Variants in ROBO1 observed in about 807,000 individuals in gnomAD.
The protein encoded by ROBO1 is roundabout homolog 1.
Under a neutral mutation model 195.9 loss-of-function variants are expected in ROBO1, and 149 were observed. The observed-to-expected ratio is 0.76, with a 90% CI of 0.67 to 0.87. ROBO1 has a LOEUF of 0.87. ROBO1 is among the 40% of genes least tolerant of loss of function. ROBO1 has a pLI of 0.00. For synonymous variants in ROBO1, 816 were observed against 733.2 expected (o/e 1.11, Z -1.82); for missense variants, 1,933 against 2,068.3 (o/e 0.93, Z 1.27).
At chr3:79,502,887 G>A (rs1029332559) in intron 2 of ROBO1, among the ~76,000 whole-genome samples, 1 of 152,086 alleles carries the variant, frequency 6.6e-6, no homozygotes, top group African/African-American at 2.4e-5. Flanking sequence ...CTAGCTCAGG[G>A]ATTGTAAATG....
chr3:79,372,930 G>A (rs1389033662), intron 2 of ROBO1, among the ~76,000 whole-genome samples: 1 of 150,828 alleles, frequency 6.6e-6, no homozygotes, highest in African/African-American at 2.4e-5. Flanking sequence ...TTTTAGTTTC[G>A]GGGGTACATG....
intron 26 of ROBO1, among the ~76,000 whole-genome samples, chr3:78,620,009 C>T (rs1310431266): frequency 7.8e-6 from 1 of 127,474 alleles, no homozygotes; most frequent in Non-Finnish European, 1.6e-5. Flanking sequence ...CAGAGTGAGA[C>T]TCTGTCTCAA....
intron 1 of ROBO1, among the ~76,000 whole-genome samples, chr3:79,625,706 G>A (rs1011250913): frequency 4.6e-5 from 7 of 152,018 alleles, no homozygotes; most frequent in Non-Finnish European, 8.8e-5. Context: ...TGAAGTTAAG[G>A]CAGTAATTAA....
At chr3:79,447,967 T>C (rs1186505876) in intron 2 of ROBO1, among the ~76,000 whole-genome samples, 2 of 152,200 alleles carry the variant, frequency 1.3e-5, no homozygotes, top group African/African-American at 2.4e-5. Context: ...CCTACTATTG[T>C]TGATACTAAC....
Position 79,560,558 on chromosome 3 carries a change from T to TATATATATAC in ROBO1, c.88+29265_88+29266insGTATATATAT, listed in dbSNP as rs5850439. ...AATTATATATATATATATATATATA[T>TATATATATAC]ACACATACACATACATAAAAAAAAA... On this transcript the variant is annotated intron_variant, in intron 2 of 30. Transcript: ENST00000464233. Among the ~76,000 whole-genome samples, 703 of 129,636 alleles carry TATATATATAC rather than the reference T, an allele frequency of 5.4e-3. 9 individuals are homozygous for TATATATATAC. The highest frequency in any genetic ancestry group is 0.02 in the Middle Eastern group (5 of 244). 85.0% of individuals were successfully genotyped at this position (129,636 alleles called of 152,430 possible).
intron 2 of ROBO1, among the ~76,000 whole-genome samples, chr3:79,148,656 C>T (rs1231943635): frequency 1.3e-5 from 2 of 151,694 alleles, no homozygotes; most frequent in Non-Finnish European, 2.9e-5. Context: ...TGTACATGAT[C>T]ATAAAGTAAG....
chr3:79,075,618 G>C (rs1236924447), intron 3 of ROBO1, among the ~76,000 whole-genome samples: 1 of 151,832 alleles, frequency 6.6e-6, no homozygotes, highest in African/African-American at 2.4e-5. Context: ...ACTAGGAGTG[G>C]AGGCGGTGTG....
intron 3 of ROBO1, among the ~76,000 whole-genome samples, chr3:79,069,428 C>T (rs1416211611): frequency 6.6e-6 from 1 of 151,828 alleles, no homozygotes; most frequent in Non-Finnish European, 1.5e-5. Context: ...TCTCTCTGCC[C>T]ATAACACCTA....
chr3:79,225,254 G>A (rs2082206587), intron 2 of ROBO1, among the ~76,000 whole-genome samples: 1 of 152,068 alleles, frequency 6.6e-6, no homozygotes, highest in Non-Finnish European at 1.5e-5. Flanking sequence ...TGTGCCTTGG[G>A]CATAAGATAG....
chr3:79,055,704 C>T (rs961793696), intron 3 of ROBO1, among the ~76,000 whole-genome samples: 3 of 152,040 alleles, frequency 2.0e-5, no homozygotes, highest in Admixed American at 1.3e-4. Flanking sequence ...TTCCTGGACT[C>T]GGTCTCGGTC....
chr3:79,463,596 T>C (rs1559917761), intron 2 of ROBO1, among the ~76,000 whole-genome samples: 1 of 152,160 alleles, frequency 6.6e-6, no homozygotes, highest in Non-Finnish European at 1.5e-5. Flanking sequence ...CTTTAGATGG[T>C]AACTTTATTA....
chr3:79,045,285 G>A (rs1005102560), intron 3 of ROBO1, among the ~76,000 whole-genome samples: 12 of 151,910 alleles, frequency 7.9e-5, no homozygotes, highest in African/African-American at 2.4e-4. Flanking sequence ...ATAAAAATGC[G>A]AATGTATTTT....
intron 4 of ROBO1, among the ~76,000 whole-genome samples, chr3:78,908,258 T>A (rs1272707711): frequency 6.6e-6 from 1 of 152,002 alleles, no homozygotes; most frequent in Non-Finnish European, 1.5e-5. Flanking sequence ...AATTTATTTG[T>A]ACTTAGTTAC....
intron 3 of ROBO1, among the ~76,000 whole-genome samples, chr3:78,966,277 G>A (rs774994258): frequency 6.6e-6 from 1 of 152,202 alleles, no homozygotes; most frequent in Non-Finnish European, 1.5e-5. Flanking sequence ...CTCTGTGTTA[G>A]ACAACATTTT....
chr3:78,933,477 G>T (rs932471117), intron 4 of ROBO1, among the ~76,000 whole-genome samples: 1 of 152,046 alleles, frequency 6.6e-6, no homozygotes, highest in Non-Finnish European at 1.5e-5. Flanking sequence ...AAGAGATAAT[G>T]TGCCTATACC....
intron 2 of ROBO1, among the ~76,000 whole-genome samples, chr3:79,410,795 CTGAT>C (rs2037736845): frequency 1.3e-5 from 2 of 152,138 alleles, no homozygotes; most frequent in African/African-American, 4.8e-5. Flanking sequence ...AGTGAAATCT[CTGAT>C]TGTTCCAGCT....
intron 2 of ROBO1, among the ~76,000 whole-genome samples, chr3:79,504,115 T>A (rs1183361347): frequency 6.6e-6 from 1 of 152,166 alleles, no homozygotes; most frequent in Non-Finnish European, 1.5e-5. Context: ...ACAATAACAT[T>A]TTAAAATCTA....
chr3:79,575,185 CAT>C (rs1430168903), intron 2 of ROBO1, among the ~76,000 whole-genome samples: 30 of 79,248 alleles, frequency 3.8e-4, no homozygotes, highest in South Asian at 1.1e-3. Flanking sequence ...ATATATATAA[CAT>C]ATATATAAAT....
chr3:79,685,331 T>C (rs1947070617), intron 1 of ROBO1, among the ~76,000 whole-genome samples: 1 of 152,160 alleles, frequency 6.6e-6, no homozygotes, highest in Admixed American at 6.6e-5. Flanking sequence ...TTTGTAGGCA[T>C]GTGCACAGCT....
Sources: allele counts gnomAD v4.1 joint callset (sites outside exome capture counted in the v4.1 genomes callset), GRCh38; gene constraint gnomAD v4.1.1; transcripts MANE v1.5; gene names NCBI Gene and HGNC (gene_info 2026-07-23, HGNC 2026-07-21).